Variants in DCX observed in about 807,000 individuals in gnomAD.
DCX encodes doublecortin.
A neutral mutation model predicts 20.9 loss-of-function variants in DCX; 4 were observed. The observed-to-expected ratio is 0.19, with a 90% CI of 0.09 to 0.44. The LOEUF is 0.44. DCX is among the 20% of genes least tolerant of loss of function. The pLI is 0.99. For synonymous variants in DCX, 103 were observed against 111.4 expected (o/e 0.92, Z 0.47); for missense variants, 133 against 296.9 (o/e 0.45, Z 4.06).
At chrX:111,320,127 A>G (rs1461586630) in intron 5 of DCX, among the ~76,000 whole-genome samples, 1 of 112,449 alleles carries the variant, frequency 8.9e-6, no homozygotes, top group Non-Finnish European at 1.9e-5. Context: ...TCCCTGGTAG[A>G]ATGAAATCCA....
chrX:111,301,711 C>T lies in DCX; in HGVS notation c.1077G>A (p.Ser359=), dbSNP rs372857538. The T allele has an allele frequency of 4.4e-5, 53 of 1,209,629 alleles. No homozygotes were observed. The highest frequency in any genetic ancestry group is 2.3e-4 in the Middle Eastern group (1 of 4,352). ...TTTACATGGAATCACCAAGCGAGTC[C>T]GAGTCATCCAAGGACAGAGGCAGGT... The part of the protein sequence containing the change: ...DLYLPLSLDD[S]DSLGDSM Residue 359 remains serine, a synonymous_variant, in exon 7 of 7, where the codon TCG becomes TCA. Coordinates refer to ENST00000636035, the MANE Select transcript of DCX (RefSeq NM_001195553.2).
At chrX:111,314,630 G>A (rs2095065361) in intron 5 of DCX, among the ~76,000 whole-genome samples, 1 of 111,683 alleles carries the variant, frequency 9.0e-6, no homozygotes, top group African/African-American at 3.3e-5. Flanking sequence ...AGTGATGATG[G>A]TTGTACAACT....
chrX:111,322,022 T>C (rs775120348), intron 5 of DCX, among the ~76,000 whole-genome samples: 1 of 112,427 alleles, frequency 8.9e-6, no homozygotes, highest in East Asian at 2.8e-4. Context: ...GTGGTTTTTA[T>C]TTGATGTCAT....
intron 6 of DCX, 148 bp downstream of exon 6, chrX:111,312,491 T>C: frequency 1.9e-6 from 1 of 514,477 alleles, no homozygotes; most frequent in Non-Finnish European, 3.3e-6. Flanking sequence ...GCTCCCTGCT[T>C]GGATTCGCAG....
At chrX:111,403,901 C>T (rs1157719295) in intron 2 of DCX, among the ~76,000 whole-genome samples, 2 of 109,952 alleles carry the variant, frequency 1.8e-5, no homozygotes, top group African/African-American at 6.6e-5. Flanking sequence ...CAAAAATTAG[C>T]TGGGCGTGGT....
intron 3 of DCX, among the ~76,000 whole-genome samples, chrX:111,343,562 G>A (rs1422902843): frequency 1.8e-5 from 2 of 111,300 alleles, no homozygotes; most frequent in Admixed American, 1.9e-4. Context: ...GAAAAGGAGG[G>A]ACTCCTCCCT....
At chrX:111,366,759 C>T (rs1924659196) in intron 3 of DCX, among the ~76,000 whole-genome samples, 1 of 111,963 alleles carries the variant, frequency 8.9e-6, no homozygotes, top group Non-Finnish European at 1.9e-5. Flanking sequence ...CTGTGCTAGG[C>T]TCTGGCAATG....
chrX:111,316,003 G>A (rs1474750025), intron 5 of DCX, among the ~76,000 whole-genome samples: 4 of 57,406 alleles, frequency 7.0e-5, no homozygotes, highest in Non-Finnish European at 1.2e-4. Context: ...TGGGTGCAGC[G>A]CACCAGCATG....
At chrX:111,348,622 T>C (rs944213861) in intron 3 of DCX, among the ~76,000 whole-genome samples, 12 of 110,485 alleles carry the variant, frequency 1.1e-4, no homozygotes, top group Admixed American at 9.7e-4. Flanking sequence ...CAGAACTCCA[T>C]TCATCAGAAA....
intron 2 of DCX, among the ~76,000 whole-genome samples, chrX:111,402,989 C>G (rs1191894763): frequency 1.8e-5 from 2 of 111,121 alleles, no homozygotes; most frequent in Non-Finnish European, 3.8e-5. Flanking sequence ...ATGGTCAATA[C>G]CTCAGCCAAG....
At chrX:111,325,115 G>A (rs968045649) in intron 5 of DCX, among the ~76,000 whole-genome samples, 5 of 111,551 alleles carry the variant, frequency 4.5e-5, no homozygotes, top group Non-Finnish European at 9.4e-5. Context: ...AAGCTGTCTT[G>A]TTTCAGTGCT....
intron 3 of DCX, among the ~76,000 whole-genome samples, chrX:111,336,009 T>C (rs1729494153): frequency 9.1e-6 from 1 of 110,476 alleles, no homozygotes; most frequent in Non-Finnish European, 1.9e-5. Context: ...CAAAAAGAAA[T>C]AGAAAATTGA....
chrX:111,403,127 C>T (rs1927941377), intron 2 of DCX, among the ~76,000 whole-genome samples: 1 of 111,370 alleles, frequency 9.0e-6, no homozygotes, highest in Non-Finnish European at 1.9e-5. Context: ...TCCATATATT[C>T]ACAGCCAATA....
intron 1 of DCX, chrX:111,411,921 A>G (rs1242851194): frequency 5.4e-5 from 6 of 111,918 alleles, no homozygotes; most frequent in African/African-American, 2.0e-4. Context: ...CAGAGGTAGT[A>G]TTATTCTAAA....
intron 3 of DCX, among the ~76,000 whole-genome samples, chrX:111,383,426 G>T (rs2147236754): frequency 8.9e-6 from 1 of 111,997 alleles, no homozygotes; most frequent in African/African-American, 3.2e-5. Flanking sequence ...CCTGGGAAAT[G>T]AAAAAGAATA....
chrX:111,381,113 T>C (rs1021161964), intron 3 of DCX, among the ~76,000 whole-genome samples: 3 of 110,902 alleles, frequency 2.7e-5, no homozygotes, highest in Non-Finnish European at 5.7e-5. Context: ...AGAAATGATG[T>C]TCTGGAAAGA....
rs751880243 is a variant in DCX at position 111,312,648 on chromosome X, C to T, written c.1035G>A (p.Lys345=). ...STPTSPGSLR[K]HKVDLYLPLS... is the part of the protein sequence containing the mutation. ...GGTATAAGAGACATAATACCTTGTG[C>T]TTCCGGAGGCTGCCAGGACTGGTGG... Residue 345 remains lysine (K), a synonymous_variant, in exon 6 of 7, where the codon AAG becomes AAA. Coordinates refer to ENST00000636035, the MANE Select transcript of DCX (RefSeq NM_001195553.2). 4 of 1,209,474 alleles carry T rather than the reference C, an allele frequency of 3.3e-6. No homozygotes were observed. The African/African-American group carries it at 7.0e-5, about 21-fold the overall frequency.
chrX:111,400,973 T>C lies in DCX; in HGVS notation c.705+17A>G, dbSNP rs767048632. Reference sequence around the variant, plus strand: ...AATTTAGAAAAAACGGGAAAAGTACTTTGAAAAAGTACCTACCTGTTTTCC... The same window carrying C: ...AATTTAGAAAAAACGGGAAAAGTACCTTGAAAAAGTACCTACCTGTTTTCC... On this transcript the variant is annotated intron_variant, in intron 3 of 6. Coordinates refer to ENST00000636035, the MANE Select transcript of DCX (RefSeq NM_001195553.2). 8.3e-7 allele frequency: 1 copy of C among 1,200,287 alleles called. No homozygotes were observed. Among genetic ancestry groups the C allele is most frequent in the African/African-American group, 1.7e-5 (1 of 57,691 alleles).
At chrX:111,328,324 C>A (rs997853431) in intron 5 of DCX, among the ~76,000 whole-genome samples, 2 of 111,446 alleles carry the variant, frequency 1.8e-5, no homozygotes, top group Non-Finnish European at 3.8e-5. Context: ...TCATTGAGTT[C>A]TAATATATTC....
Sources: allele counts gnomAD v4.1 joint callset (sites outside exome capture counted in the v4.1 genomes callset), GRCh38; gene constraint gnomAD v4.1.1; transcripts MANE v1.5; gene names NCBI Gene and HGNC (gene_info 2026-07-23, HGNC 2026-07-21).